The following TANC2 variants were observed in gnomAD, a reference collection of about 807,000 sequenced individuals.
TANC2 encodes the protein tetratricopeptide repeat, ankyrin repeat and coiled-coil containing 2.
TANC2 carries 26 observed loss-of-function variants against 210.5 expected under a neutral mutation model. That is an observed-to-expected ratio of 0.12 (90% confidence interval 0.09 to 0.17). The LOEUF (loss-of-function observed/expected upper bound fraction) is 0.17. Among genes scored for constraint, TANC2 ranks in the 10% least tolerant of loss-of-function variants. The pLI, the probability that TANC2 is intolerant of heterozygous loss-of-function variation, is 1.00. For missense variants in TANC2, 2,129 were observed against 2,608.9 expected (o/e 0.82, Z 4.01); for synonymous variants, 931 against 967.1 (o/e 0.96, Z 0.69).
In TANC2 at chr17:63,412,212, T is replaced by C. The variant is rs1033218146; in HGVS notation, c.3898+82T>C. ...TGGTCTGGCTGCCCTGGGTATTTGG[T>C]GTGAGTGTATATAGTTCCCCCTCCT... On this transcript the variant is annotated intron_variant, in intron 23 of 27. Coordinates refer to ENST00000689528, the Ensembl canonical transcript of TANC2. This position sits in a 1 kb window ranked among gnomAD's most constrained non-coding sequence, Gnocchi z 4.2. 2.5e-6 allele frequency: 4 copies of C among 1,588,034 alleles called. No individual in the cohort carries two copies. The African/African-American group carries it at 5.4e-5, about 21-fold the overall frequency.
chr17:63,301,063 T>A (rs1467309996), intron 9 of TANC2, among the ~76,000 whole-genome samples: 1 of 152,204 alleles, frequency 6.6e-6, no homozygotes, highest in Non-Finnish European at 1.5e-5. Context: ...TGGTTCTGTT[T>A]ATGTGATAGA....
At chr17:63,258,227 G>A (rs969029865) in intron 8 of TANC2, among the ~76,000 whole-genome samples, 3 of 152,100 alleles carry the variant, frequency 2.0e-5, no homozygotes, top group Non-Finnish European at 4.4e-5. Flanking sequence ...GTTGCCAGAT[G>A]TAGTGGAGCT....
intron 9 of TANC2, chr17:63,305,686 G>A (rs961280189): frequency 6.6e-6 from 1 of 152,192 alleles, no homozygotes; most frequent in African/African-American, 2.4e-5. Flanking sequence ...TAAATTATAT[G>A]GAGTAAACTT....
intron 4 of TANC2, among the ~76,000 whole-genome samples, chr17:63,116,297 T>C (rs534086870): frequency 1.6e-4 from 25 of 152,318 alleles, no homozygotes; most frequent in African/African-American, 5.8e-4. Flanking sequence ...CAGAAGACTA[T>C]AGAGAGAGTA....
chr17:63,300,794 G>T (rs2044687458), intron 9 of TANC2, among the ~76,000 whole-genome samples: 1 of 152,128 alleles, frequency 6.6e-6, no homozygotes, highest in Admixed American at 6.5e-5. Flanking sequence ...GATTGCCCTG[G>T]CCAAAACTTC....
chr17:63,068,293 G>GA (rs972645059), intron 2 of TANC2, among the ~76,000 whole-genome samples: 4 of 152,044 alleles, frequency 2.6e-5, no homozygotes, highest in African/African-American at 7.2e-5. Flanking sequence ...TAGCAGAAAT[G>GA]AAAAAAACCT....
At chr17:63,289,663 G>C (rs2044326784) in intron 9 of TANC2, among the ~76,000 whole-genome samples, 2 of 152,108 alleles carry the variant, frequency 1.3e-5, no homozygotes, top group Admixed American at 1.3e-4. Context: ...TTCCCTGTCT[G>C]TGTGTTACAT....
At chr17:63,129,468 G>GT (rs1351018704) in intron 4 of TANC2, among the ~76,000 whole-genome samples, 2 of 152,190 alleles carry the variant, frequency 1.3e-5, no homozygotes, top group African/African-American at 2.4e-5. Context: ...GATGAACAGT[G>GT]TATGTCAAGT....
intron 4 of TANC2, among the ~76,000 whole-genome samples, chr17:63,123,498 G>T (rs1171452786): frequency 6.6e-6 from 1 of 150,748 alleles, no homozygotes; most frequent in East Asian, 2.0e-4. Flanking sequence ...GGCGGAGCTT[G>T]CAGTGAGCCG....
At chr17:63,365,988 TC>T (rs1232021622) in intron 14 of TANC2, among the ~76,000 whole-genome samples, 3 of 152,248 alleles carry the variant, frequency 2.0e-5, no homozygotes, top group Admixed American at 1.3e-4. Context: ...ACAAGAACCT[TC>T]TCTGTATTGC....
intron 14 of TANC2, 40 bp from the exon 15 acceptor site, chr17:63,379,678 A>G: frequency 6.7e-7 from 1 of 1,482,160 alleles, no homozygotes; most frequent in Non-Finnish European, 9.2e-7. Flanking sequence ...CAATAAATAA[A>G]TAAATTAATT....
At chr17:63,262,629 CTTTTT>C (rs11395061) in intron 8 of TANC2, among the ~76,000 whole-genome samples, 1 of 145,370 alleles carries the variant, frequency 6.9e-6, no homozygotes. Flanking sequence ...TAGTAGTCCT[CTTTTT>C]TTTTTTTTGG....
In TANC2 at chr17:63,421,930, G is replaced by A. The variant is rs1313506114; in HGVS notation, c.6200G>A (p.Arg2067Lys). 1 of 1,612,218 alleles carries A rather than the reference G, an allele frequency of 6.2e-7. No individual in the cohort carries two copies. The highest frequency in any genetic ancestry group is 1.7e-5 in the Admixed American group (1 of 59,804). The stretch of plus-strand genomic sequence containing the variant: ...CAGACATCCCCTATCAAACCAAAGA[G>A]ACCGTTCGTGGAGTCTAATGTTTAA... Residue 2067 changes from arginine (R) to lysine (K), a missense_variant, in exon 28 of 28, where the codon AGA (arginine) becomes AAA (lysine). By Grantham distance (26) the Arg-to-Lys change is conservative. Transcript: ENST00000689528. This position sits in a 1 kb window ranked among gnomAD's most constrained non-coding sequence, Gnocchi z 6.9.
intron 2 of TANC2, among the ~76,000 whole-genome samples, chr17:63,015,984 G>A (rs2143922370): frequency 6.6e-6 from 1 of 152,092 alleles, no homozygotes; most frequent in Non-Finnish European, 1.5e-5. Context: ...TGCTGGTGGG[G>A]GTGGGGAGAT....
At chr17:63,019,543 A>G (rs2034259008) in intron 2 of TANC2, among the ~76,000 whole-genome samples, 1 of 152,130 alleles carries the variant, frequency 6.6e-6, no homozygotes, top group South Asian at 2.1e-4. Flanking sequence ...TGATAGGTAT[A>G]TAGAGGTATC....
At chr17:63,294,525 A>G (rs939282847) in intron 9 of TANC2, among the ~76,000 whole-genome samples, 2 of 152,008 alleles carry the variant, frequency 1.3e-5, no homozygotes, top group African/African-American at 2.4e-5. Context: ...TCTTTTTTGT[A>G]TGCCCTATTA....
intron 8 of TANC2, among the ~76,000 whole-genome samples, chr17:63,250,875 G>A (rs1051646978): frequency 3.3e-5 from 5 of 152,054 alleles, no homozygotes; most frequent in Non-Finnish European, 7.4e-5. Flanking sequence ...ATGGAAAAAA[G>A]GAAAAGGGGG....
intron 7 of TANC2, among the ~76,000 whole-genome samples, chr17:63,221,885 T>C (rs972077943): frequency 2.0e-5 from 3 of 152,206 alleles, no homozygotes; most frequent in East Asian, 1.9e-4. Context: ...GACCTAGCCA[T>C]GCTATTCCTA....
chr17:63,148,668 G>T (rs1488869090), intron 4 of TANC2: 3 of 152,106 alleles, frequency 2.0e-5, no homozygotes, highest in Non-Finnish European at 2.9e-5. Flanking sequence ...GCTTTAGATT[G>T]TTCCTACCCA....
Sources: gnomAD v4.1 joint callset for allele counts (sites outside exome capture counted in the v4.1 genomes callset) on GRCh38, gnomAD v4.1.1 for gene constraint, Gnocchi (gnomAD v3.1) non-coding constraint, MANE v1.5 for transcripts, NCBI Gene and HGNC (gene_info 2026-07-23, HGNC 2026-07-21) for gene names.